Variants in EMILIN2 observed in about 807,000 individuals in gnomAD.
The protein encoded by EMILIN2 is elastin microfibril interfacer 2, also known as EMILIN-2.
EMILIN2 carries 71 observed loss-of-function variants against 87.1 expected under a neutral mutation model. That is an observed-to-expected ratio of 0.82 (90% CI 0.67 to 0.99). The LOEUF (loss-of-function observed/expected upper bound fraction) is 0.99, where lower values mean the gene tolerates loss of function less well. EMILIN2 is among the 50% of genes least tolerant of loss of function. The probability of loss-of-function intolerance (pLI) is 0.00; values close to 1 mark genes in which losing one functional copy is unlikely to be tolerated. For missense variants in EMILIN2, 1,407 were observed against 1,371.8 expected, an observed-to-expected ratio of 1.03 and a Z score of -0.40; for synonymous variants, 581 against 563.4, an observed-to-expected ratio of 1.03 and a Z score of -0.44.
intron 2 of EMILIN2, among the ~76,000 whole-genome samples, chr18:2,862,519 T>C (rs924739705): frequency 1.1e-3 from 165 of 150,822 alleles, no homozygotes; most frequent in African/African-American, 3.9e-3. Context: ...GGCTGGATTA[T>C]GTTTATTGAT....
At chr18:2,858,569 A>ATATATATATATG (rs1305555851) in intron 2 of EMILIN2, among the ~76,000 whole-genome samples, 21 of 55,362 alleles carry the variant, frequency 3.8e-4, no homozygotes, top group African/African-American at 9.4e-4. Context: ...ATATATATAT[A>ATATATATATATG]TGTGTGTGTG....
chr18:2,883,863 G>T (rs751189456), intron 2 of EMILIN2, among the ~76,000 whole-genome samples: 11 of 152,236 alleles, frequency 7.2e-5, no homozygotes, highest in African/African-American at 1.9e-4. Flanking sequence ...ATCTGCAAAA[G>T]CTGGTGGCTA....
At chr18:2,887,966 T>G (rs1284263847) in intron 3 of EMILIN2, among the ~76,000 whole-genome samples, 1 of 152,106 alleles carries the variant, frequency 6.6e-6, no homozygotes, top group East Asian at 1.9e-4. Flanking sequence ...GCACTCGACC[T>G]GGAACTTATT....
At chr18:2,908,474 C>T (rs1194120346) in intron 5 of EMILIN2, among the ~76,000 whole-genome samples, 1 of 152,222 alleles carries the variant, frequency 6.6e-6, no homozygotes, top group African/African-American at 2.4e-5. Context: ...AAGCCGTGCA[C>T]TCTTCCCTGT....
At chr18:2,869,483 T>G (rs1021689372) in intron 2 of EMILIN2, among the ~76,000 whole-genome samples, 5 of 152,220 alleles carry the variant, frequency 3.3e-5, no homozygotes, top group African/African-American at 1.2e-4. Flanking sequence ...GGGATAAGTT[T>G]GCATATTTTA....
intron 2 of EMILIN2, among the ~76,000 whole-genome samples, chr18:2,859,678 T>C (rs1351344928): frequency 1.3e-5 from 2 of 152,238 alleles, no homozygotes; most frequent in Non-Finnish European, 2.9e-5. Context: ...TCCAATGTTA[T>C]CTTCTAGCAT....
At chr18:2,879,009 G>A (rs1464275025) in intron 2 of EMILIN2, among the ~76,000 whole-genome samples, 1 of 152,192 alleles carries the variant, frequency 6.6e-6, no homozygotes, top group East Asian at 1.9e-4. Flanking sequence ...CACAAGGCAA[G>A]GAGCCTTGCC....
chr18:2,912,032 CTTTTTTTTT>C (rs35260656), intron 7 of EMILIN2, among the ~76,000 whole-genome samples: 6 of 73,150 alleles, frequency 8.2e-5, no homozygotes, highest in South Asian at 5.1e-4. Context: ...CTGACAACCA[CTTTTTTTTT>C]TTTTTTTTTT....
In EMILIN2 at chr18:2,906,909, G is replaced by T; in HGVS notation, c.2486G>T (p.Arg829Leu). 7.2e-7 allele frequency: 1 copy of T among 1,393,080 alleles called. No individual in the cohort carries two copies. Among genetic ancestry groups the T allele is most frequent in the Non-Finnish European group, 9.3e-7 (1 of 1,070,950 alleles). The allele number at this position is 1,393,080 out of a possible 1,614,324, so 86.3% of individuals were successfully genotyped here. The change falls in exon 5 of 8, where the codon CGG becomes CTG. Residue 829 changes from arginine (R) to leucine (L), a missense_variant. Coordinates refer to ENST00000254528, the MANE Select transcript of EMILIN2 (RefSeq NM_032048.3). ...GGGCGACGGCCCGTCCTGCCCCAGCGGCCCCCCGAGGAGAGGCCGCCCCAG... is the reference window on the plus strand; with the variant it reads ...GGGCGACGGCCCGTCCTGCCCCAGCTGCCCCCCGAGGAGAGGCCGCCCCAG... ...DPGRRPVLPQ[R>L]PPEERPPQPP...
intron 2 of EMILIN2, among the ~76,000 whole-genome samples, chr18:2,883,272 A>G (rs185829541): frequency 1.5e-5 from 2 of 135,640 alleles, no homozygotes; most frequent in South Asian, 2.4e-4. Flanking sequence ...TCAGGGAGGT[A>G]ACTTTGAAGT....
At chr18:2,874,492 C>T (rs768915527) in intron 2 of EMILIN2, among the ~76,000 whole-genome samples, 7 of 152,136 alleles carry the variant, frequency 4.6e-5, no homozygotes, top group Non-Finnish European at 7.4e-5. Flanking sequence ...TAAGCAGCCC[C>T]CTCCCCTCCT....
At chr18:2,876,405 A>G (rs2144006920) in intron 2 of EMILIN2, among the ~76,000 whole-genome samples, 1 of 152,328 alleles carries the variant, frequency 6.6e-6, no homozygotes, top group African/African-American at 2.4e-5. Flanking sequence ...TTGTACTGGG[A>G]AACAGTCTCC....
intron 4 of EMILIN2, 134 bp from the exon 5 acceptor site, chr18:2,906,649 C>G (rs935935509): frequency 7.2e-6 from 5 of 691,668 alleles, no homozygotes; most frequent in Non-Finnish European, 1.0e-5. Flanking sequence ...TCCCGCTGGC[C>G]TGACGTCGCA....
At chr18:2,912,461 G>C (rs1372107200) in intron 7 of EMILIN2, among the ~76,000 whole-genome samples, 1 of 152,186 alleles carries the variant, frequency 6.6e-6, no homozygotes, top group African/African-American at 2.4e-5. Context: ...GCCGGCATTT[G>C]GTGTTGGCAC....
chr18:2,858,112 A>G (rs983060014), intron 2 of EMILIN2, among the ~76,000 whole-genome samples: 1 of 152,154 alleles, frequency 6.6e-6, no homozygotes, highest in Non-Finnish European at 1.5e-5. Context: ...TCATTACCGG[A>G]AAATGAGTAA....
chr18:2,883,249 AT>A (rs1232122404), intron 2 of EMILIN2, among the ~76,000 whole-genome samples: 2 of 43,114 alleles, frequency 4.6e-5, no homozygotes, highest in Admixed American at 2.0e-4. Context: ...CCAGCACATG[AT>A]TTGTGCTTTC....
At chr18:2,877,046 CT>C (rs1460573257) in intron 2 of EMILIN2, among the ~76,000 whole-genome samples, 9 of 152,294 alleles carry the variant, frequency 5.9e-5, no homozygotes, top group Non-Finnish European at 1.3e-4. Context: ...ATTTGATGTG[CT>C]TTAAGCTGCA....
intron 2 of EMILIN2, among the ~76,000 whole-genome samples, chr18:2,865,051 G>A (rs1279964667): frequency 2.0e-5 from 3 of 152,030 alleles, no homozygotes; most frequent in East Asian, 1.9e-4. Context: ...TTCTTGTGCT[G>A]TGGTTTTCAG....
Position 2,891,814 on chromosome 18 carries a change from G to A in EMILIN2, c.1687G>A (p.Gly563Arg), listed in dbSNP as rs776222199. 32 of 1,614,126 alleles carry A rather than the reference G, an allele frequency of 2.0e-5. No individual in the cohort carries two copies. In the East Asian group the frequency reaches 2.9e-4, roughly 15 times the overall value. Residue 563 changes from glycine to arginine, a missense_variant, in exon 4 of 8, where the codon GGG becomes AGG. By Grantham distance (125) the Gly-to-Arg change is moderately radical. Transcript: ENST00000254528. The surrounding 1 kb of genome is among the most constrained non-coding windows in gnomAD (Gnocchi z 4.6). ...CLLNIQGKPH[G>R]MEGALPNRED... ...GCTGAACATCCAGGGAAAGCCTCAT[G>A]GGATGGAAGGTGCCTTGCCAAACAG... is the stretch of plus-strand genomic sequence containing the variant.
Sources: gnomAD v4.1 joint callset for allele counts (sites outside exome capture counted in the v4.1 genomes callset) on GRCh38, gnomAD v4.1.1 for gene constraint, Gnocchi (gnomAD v3.1) non-coding constraint, MANE v1.5 for transcripts, NCBI Gene and HGNC (gene_info 2026-07-23, HGNC 2026-07-21) for gene names.